LAMA2: variants seen among roughly 807,000 people sequenced by gnomAD.
LAMA2 encodes laminin subunit alpha-2.
In LAMA2, 269 loss-of-function variants were observed where a neutral mutation model predicts 364.8. The ratio of observed to expected loss-of-function variants is 0.74; its 90% CI spans 0.67 to 0.82. The LOEUF (loss-of-function observed/expected upper bound fraction) is 0.82. LAMA2 is among the 40% of genes least tolerant of loss of function. The pLI is 0.00. For missense variants in LAMA2, 3,807 were observed against 3,873.2 expected (o/e 0.98, Z 0.45); for synonymous variants, 1,379 against 1,370.6 (o/e 1.01, Z -0.14).
intron 4 of LAMA2, among the ~76,000 whole-genome samples, chr6:129,101,148 T>A (rs1177530867): frequency 6.6e-6 from 1 of 152,140 alleles, no homozygotes; most frequent in African/African-American, 2.4e-5. Context: ...TAAAACATGA[T>A]TGCATAAGTA....
At position 128,908,743 on chromosome 6, in the gene LAMA2, G is replaced by T. The variant is rs1183521070; in HGVS notation, c.112+25386G>T. On this transcript the variant is annotated intron_variant, in intron 1 of 64. Coordinates refer to ENST00000421865, the MANE Select transcript of LAMA2 (RefSeq NM_000426.4). ...TTGTGATGTTAGGGTGTCAATTTTGGATCTTTCCTGCTGTCTCTTGTGGGC... is the reference window on the plus strand; with the variant it reads ...TTGTGATGTTAGGGTGTCAATTTTGTATCTTTCCTGCTGTCTCTTGTGGGC... Among the ~76,000 whole-genome samples the T allele has an allele frequency of 2.2e-3, 328 of 146,638 alleles. 9 individuals are homozygous for T. The highest frequency in any genetic ancestry group is 0.021 in the Admixed American group (306 of 14,818).
intron 40 of LAMA2, among the ~76,000 whole-genome samples, chr6:129,426,303 A>T (rs1169721888): frequency 6.6e-6 from 1 of 152,070 alleles, no homozygotes; most frequent in African/African-American, 2.4e-5. Flanking sequence ...ACATTCTTTC[A>T]TTGTAATTTC....
At chr6:129,469,394 T>C (rs558128793) in intron 51 of LAMA2, among the ~76,000 whole-genome samples, 6 of 151,992 alleles carry the variant, frequency 3.9e-5, no homozygotes, top group Admixed American at 2.6e-4. Context: ...AAATCCACCA[T>C]GTGATACCAT....
rs766601217 is a variant in LAMA2 at position 129,401,206 on chromosome 6, G to C, written c.5446-18G>C. ...TATGAAAATGCAATTTTGATGTCTT[G>C]TTCATAATGGTCTACAGAAAAAGAA... On this transcript the variant is annotated intron_variant, in intron 37 of 64. Transcript: ENST00000421865. 19 of 1,462,750 alleles carry C rather than the reference G, an allele frequency of 1.3e-5. 1 individual carries two copies. The South Asian group carries it at 2.1e-4, about 16-fold the overall frequency. 90.6% of individuals were successfully genotyped at this position (1,462,750 alleles called of 1,614,324 possible).
intron 8 of LAMA2, among the ~76,000 whole-genome samples, chr6:129,160,357 A>G (rs1779376018): frequency 6.6e-6 from 1 of 152,100 alleles, no homozygotes; most frequent in Non-Finnish European, 1.5e-5. Flanking sequence ...AATTCATCTA[A>G]ATTGTCAAAT....
rs184787392 is a variant in LAMA2, at chr6:129,488,921, A to T, written c.7898+2299A>T. 1.1e-3 allele frequency among the ~76,000 whole-genome samples: 171 copies of T among 152,362 alleles called. 1 individual carries two copies. The highest frequency in any genetic ancestry group is 3.3e-3 in the South Asian group (16 of 4,830). ...GATTTGTTTTCATTGTTCTGAATGTATGTGAGATCTGTAATAACATCCTTT... is the reference window on the plus strand; with the variant it reads ...GATTTGTTTTCATTGTTCTGAATGTTTGTGAGATCTGTAATAACATCCTTT... On this transcript the variant is annotated intron_variant, in intron 56 of 64. Transcript: ENST00000421865.
chr6:129,482,623 A>G (rs921736849), intron 55 of LAMA2, among the ~76,000 whole-genome samples: 1 of 152,218 alleles, frequency 6.6e-6, no homozygotes, highest in Non-Finnish European at 1.5e-5. Flanking sequence ...ACATTTAGTG[A>G]TCAATCATAT....
At chr6:129,189,695 C>T (rs1781420799) in intron 10 of LAMA2, among the ~76,000 whole-genome samples, 1 of 152,046 alleles carries the variant, frequency 6.6e-6, no homozygotes, top group Non-Finnish European at 1.5e-5. Context: ...CTATGCTTGC[C>T]TCAAATGTAC....
intron 1 of LAMA2, among the ~76,000 whole-genome samples, chr6:128,978,362 T>A (rs1782661467): frequency 6.6e-6 from 1 of 151,628 alleles, no homozygotes; most frequent in African/African-American, 2.4e-5. Flanking sequence ...TTTTTTTTTT[T>A]TTTTTGAGAG....
At chr6:129,251,392 A>G (rs1203633578) in intron 13 of LAMA2, among the ~76,000 whole-genome samples, 1 of 152,010 alleles carries the variant, frequency 6.6e-6, no homozygotes, top group East Asian at 1.9e-4. Context: ...ACCCACATCC[A>G]TCTACAGTTT....
chr6:129,464,429 A>T lies in LAMA2; in HGVS notation c.7132A>T (p.Met2378Leu), dbSNP rs769562504. Residue 2378 changes from methionine to leucine, a missense_variant, in exon 50 of 65, where the codon ATG becomes TTG. Met to Leu is a conservative substitution (Grantham distance 15). Around this residue, in one of 3 missense-constraint regions of LAMA2, gnomAD observed 3,333 missense variants for 3,345.7 expected, o/e 1.00. Coordinates refer to ENST00000421865, the MANE Select transcript of LAMA2 (RefSeq NM_000426.4). Reference protein sequence around the residue: ...FRTFSSSALLMYLATRDLRDF... With the variant: ...FRTFSSSALLLYLATRDLRDF... ...AACATTTTCTTCGAGTGCTCTTCTG[A>T]TGTATCTTGCCACACGAGACCTGGT... 6.2e-7 allele frequency: 1 copy of T among 1,612,174 alleles called. No individual in the cohort carries two copies. Among genetic ancestry groups the T allele is most frequent in the Non-Finnish European group, 8.5e-7 (1 of 1,178,648 alleles).
chr6:129,164,009 A>G (rs1032263752), intron 8 of LAMA2, among the ~76,000 whole-genome samples: 3 of 152,058 alleles, frequency 2.0e-5, no homozygotes, highest in Non-Finnish European at 4.4e-5. Flanking sequence ...TCACCTCAGG[A>G]TCTGCTTTTA....
chr6:129,021,756 A>G (rs910154644), intron 1 of LAMA2, among the ~76,000 whole-genome samples: 1 of 152,188 alleles, frequency 6.6e-6, no homozygotes, highest in African/African-American at 2.4e-5. Flanking sequence ...CAGAGTAGTA[A>G]ATAGCCAAAG....
intron 3 of LAMA2, among the ~76,000 whole-genome samples, chr6:129,089,120 C>T (rs774347102): frequency 6.6e-6 from 1 of 152,204 alleles, no homozygotes; most frequent in Non-Finnish European, 1.5e-5. Context: ...GAGACCAGCC[C>T]GGTAGATGAT....
intron 35 of LAMA2, among the ~76,000 whole-genome samples, chr6:129,387,791 C>T (rs1269366243): frequency 1.3e-5 from 2 of 152,190 alleles, no homozygotes; most frequent in East Asian, 3.8e-4. Context: ...CCTCAGCAAA[C>T]TAATCCAGGA....
chr6:128,974,662 T>G (rs556316704), intron 1 of LAMA2, among the ~76,000 whole-genome samples: 18 of 152,302 alleles, frequency 1.2e-4, no homozygotes, highest in African/African-American at 4.3e-4. Flanking sequence ...CTTTGGGAAA[T>G]GTTTGAGAAG....
intron 55 of LAMA2, among the ~76,000 whole-genome samples, chr6:129,482,794 C>A (rs1405565409): frequency 6.6e-6 from 1 of 152,144 alleles, no homozygotes; most frequent in Admixed American, 6.5e-5. Context: ...GGCACAGTGG[C>A]TCACGCCTGT....
intron 29 of LAMA2, among the ~76,000 whole-genome samples, chr6:129,329,251 G>A (rs1185999480): frequency 7.2e-5 from 11 of 152,068 alleles, no homozygotes; most frequent in South Asian, 2.1e-4. Context: ...AAAATACCCC[G>A]CAGAATCCTC....
intron 9 of LAMA2, among the ~76,000 whole-genome samples, chr6:129,176,431 A>C (rs1780594002): frequency 6.6e-6 from 1 of 152,002 alleles, no homozygotes; most frequent in African/African-American, 2.4e-5. Context: ...ATACCACATA[A>C]TATGTAATTT....
Sources: allele counts gnomAD v4.1 joint callset (sites outside exome capture counted in the v4.1 genomes callset), GRCh38; gene constraint gnomAD v4.1.1; regional missense constraint gnomAD v4.1.1; transcripts MANE v1.5; gene names NCBI Gene and HGNC (gene_info 2026-07-23, HGNC 2026-07-21).